The following PTPRD variants were observed in gnomAD, a reference collection of about 807,000 sequenced individuals.
PTPRD encodes protein tyrosine phosphatase receptor type D, also known as receptor-type tyrosine-protein phosphatase delta.
Under a neutral mutation model 214.5 loss-of-function variants are expected in PTPRD, and 34 were observed. The observed-to-expected ratio is 0.16, with a 90% CI of 0.12 to 0.21. PTPRD has a LOEUF of 0.21. PTPRD is among the 10% of genes least tolerant of loss of function. The pLI is 1.00. For synonymous variants in PTPRD, 1,128 were observed against 845.7 expected (o/e 1.33, Z -5.79); for missense variants, 2,545 against 2,398.7 (o/e 1.06, Z -1.27).
At chr9:9,284,363 A>G (rs1043810284) in intron 9 of PTPRD, among the ~76,000 whole-genome samples, 1 of 151,648 alleles carries the variant, frequency 6.6e-6, no homozygotes, top group Non-Finnish European at 1.5e-5. Context: ...GGAGTCATGA[A>G]TAGACTCCTG....
chr9:10,356,934 G>A (rs2097290474), intron 2 of PTPRD, among the ~76,000 whole-genome samples: 1 of 151,970 alleles, frequency 6.6e-6, no homozygotes, highest in South Asian at 2.1e-4. Context: ...ACCCACCTCG[G>A]CCTCCCAAAG....
At chr9:9,872,356 T>G (rs2065693833) in intron 5 of PTPRD, among the ~76,000 whole-genome samples, 1 of 152,050 alleles carries the variant, frequency 6.6e-6, no homozygotes, top group Non-Finnish European at 1.5e-5. Flanking sequence ...TTCCAATACT[T>G]TGGGAGGCCG....
chr9:8,321,463 G>T (rs1364201306), intron 44 of PTPRD, among the ~76,000 whole-genome samples: 1 of 47,400 alleles, frequency 2.1e-5, no homozygotes, highest in Non-Finnish European at 3.6e-5. Context: ...AGTCTTCTTT[G>T]TGTGTGTGTG....
chr9:10,268,229 G>T (rs2094200006), intron 3 of PTPRD, among the ~76,000 whole-genome samples: 1 of 150,188 alleles, frequency 6.7e-6, no homozygotes, highest in African/African-American at 2.4e-5. Context: ...GTTGCAGGCT[G>T]CAGTAAGCTA....
intron 3 of PTPRD, among the ~76,000 whole-genome samples, chr9:10,284,150 G>T (rs16925695): frequency 0.03 from 4,510 of 152,226 alleles, 298 homozygotes; most frequent in Admixed American, 0.16. Context: ...GTGGAGTTAG[G>T]TGTCCTAGTC....
intron 7 of PTPRD, among the ~76,000 whole-genome samples, chr9:9,670,090 T>C (rs994689446): frequency 1.3e-5 from 2 of 152,170 alleles, no homozygotes; most frequent in Non-Finnish European, 2.9e-5. Flanking sequence ...AATTAGTAAT[T>C]TGTAAAATTT....
chr9:8,506,729 C>T (rs2097549772), intron 22 of PTPRD, among the ~76,000 whole-genome samples: 1 of 152,178 alleles, frequency 6.6e-6, no homozygotes, highest in African/African-American at 2.4e-5. Flanking sequence ...TTTCTCTTTT[C>T]AGTGACGATC....
chr9:9,360,530 T>C (rs1432005430), intron 9 of PTPRD, among the ~76,000 whole-genome samples: 2 of 151,022 alleles, frequency 1.3e-5, no homozygotes, highest in African/African-American at 2.4e-5. Flanking sequence ...TTTATTTACA[T>C]CTCTGAAATA....
intron 27 of PTPRD, among the ~76,000 whole-genome samples, chr9:8,490,983 C>T (rs1041602764): frequency 2.0e-5 from 3 of 152,104 alleles, no homozygotes; most frequent in Non-Finnish European, 4.4e-5. Flanking sequence ...CATAAATATA[C>T]GAGGATTTTT....
At chr9:8,904,133 A>G (rs950509286) in intron 11 of PTPRD, among the ~76,000 whole-genome samples, 1 of 152,148 alleles carries the variant, frequency 6.6e-6, no homozygotes, top group Non-Finnish European at 1.5e-5. Context: ...GTTTATTGCT[A>G]TTTATTTTCT....
intron 9 of PTPRD, among the ~76,000 whole-genome samples, chr9:9,360,520 T>C: frequency 6.6e-6 from 1 of 151,104 alleles, no homozygotes; most frequent in East Asian, 1.9e-4. Flanking sequence ...TGAATGCATA[T>C]TTATTTACAT....
At chr9:9,257,416 T>G (rs1175382973) in intron 9 of PTPRD, among the ~76,000 whole-genome samples, 1 of 151,968 alleles carries the variant, frequency 6.6e-6, no homozygotes, top group East Asian at 1.9e-4. Context: ...AAGCTCTTAG[T>G]CATCAAACTC....
chr9:9,984,710 AC>A (rs1173278312), intron 4 of PTPRD, among the ~76,000 whole-genome samples: 1 of 152,102 alleles, frequency 6.6e-6, no homozygotes, highest in Non-Finnish European at 1.5e-5. Context: ...TGCTGGGAGG[AC>A]CACAGTGTCC....
chr9:9,439,957 A>T (rs2086862263), intron 8 of PTPRD, among the ~76,000 whole-genome samples: 1 of 152,164 alleles, frequency 6.6e-6, no homozygotes, highest in South Asian at 2.1e-4. Context: ...CAGCCTATTT[A>T]TGACCATCAT....
chr9:9,733,998 G>T (rs995079298), intron 7 of PTPRD, among the ~76,000 whole-genome samples: 1 of 152,116 alleles, frequency 6.6e-6, no homozygotes, highest in African/African-American at 2.4e-5. Context: ...TCCCTGTAAT[G>T]CATGTCCCAG....
At chr9:9,306,169 T>C (rs943598229) in intron 9 of PTPRD, among the ~76,000 whole-genome samples, 2 of 152,106 alleles carry the variant, frequency 1.3e-5, no homozygotes, top group Non-Finnish European at 2.9e-5. Context: ...AGTAAAAACA[T>C]GTTTGACATT....
At chr9:10,261,957 T>C (rs1359665126) in intron 3 of PTPRD, among the ~76,000 whole-genome samples, 1 of 152,062 alleles carries the variant, frequency 6.6e-6, no homozygotes, top group Non-Finnish European at 1.5e-5. Context: ...GAGAAATATA[T>C]AGATTCAGGG....
intron 39 of PTPRD, among the ~76,000 whole-genome samples, chr9:8,346,948 G>C (rs1332061085): frequency 2.0e-5 from 3 of 152,068 alleles, no homozygotes; most frequent in East Asian, 1.9e-4. Context: ...TATGTGATAA[G>C]CACTTAGTTA....
chr9:9,931,733 A>T (rs7044656), intron 5 of PTPRD, among the ~76,000 whole-genome samples: 24,504 of 151,618 alleles, frequency 0.16, 5,140 homozygotes, highest in African/African-American at 0.49. Context: ...CCACAGCTCA[A>T]GGAGGCCTGC....
Sources: gnomAD v4.1 joint callset for allele counts (sites outside exome capture counted in the v4.1 genomes callset) on GRCh38, gnomAD v4.1.1 for gene constraint, MANE v1.5 for transcripts, NCBI Gene and HGNC (gene_info 2026-07-23, HGNC 2026-07-21) for gene names.